PRP4K: variants seen among roughly 807,000 people sequenced by gnomAD.
PRP4K encodes serine/threonine-protein kinase PRP4 homolog.
At chr6:4,032,499 T>C in the PRP4K span, 5 of 1,613,832 alleles carry the variant, frequency 3.1e-6, no homozygotes, top group Non-Finnish European at 4.2e-6. Context: ...GCCAATTAAA[T>C]CTCCCTCTAA....
chr6:4,041,022 A>G, the PRP4K span: 13 of 1,255,640 alleles, frequency 1.0e-5, no homozygotes, highest in Non-Finnish European at 1.4e-5. Flanking sequence ...TAAATATTAT[A>G]AGTGGCTCCA....
At chr6:4,022,363 G>C in the PRP4K span, among the ~76,000 whole-genome samples, 1 of 150,910 alleles carries the variant, frequency 6.6e-6, no homozygotes, top group Admixed American at 6.6e-5. Flanking sequence ...ACTTAAAGCA[G>C]TATTTTGCTG....
the PRP4K span, chr6:4,032,746 C>G: frequency 1.9e-6 from 3 of 1,568,378 alleles, no homozygotes; most frequent in South Asian, 2.4e-5. Context: ...AGACGACTTT[C>G]TTCTCCAAGG....
At chr6:4,026,637 ATACT>A in the PRP4K span, among the ~76,000 whole-genome samples, 19 of 152,184 alleles carry the variant, frequency 1.2e-4, no homozygotes, top group Admixed American at 8.5e-4. Context: ...AACACAAACA[ATACT>A]TACTGAGCAC....
chr6:4,027,536 T>C, the PRP4K span, among the ~76,000 whole-genome samples: 6 of 145,856 alleles, frequency 4.1e-5, no homozygotes, highest in African/African-American at 1.0e-4. Flanking sequence ...CTCCACAGGA[T>C]TTTTGTGAAT....
the PRP4K span, among the ~76,000 whole-genome samples, chr6:4,033,289 C>G: frequency 3.9e-5 from 6 of 152,224 alleles, no homozygotes; most frequent in Admixed American, 3.3e-4. Context: ...TGTATTAATA[C>G]ATATAATCTC....
At chr6:4,040,859 G>A in the PRP4K span, 1 of 1,613,896 alleles carries the variant, frequency 6.2e-7, no homozygotes, top group Non-Finnish European at 8.5e-7. Flanking sequence ...GCAAAGTAAA[G>A]GAAGATAAAT....
At chr6:4,029,728 T>A in the PRP4K span, among the ~76,000 whole-genome samples, 2 of 152,032 alleles carry the variant, frequency 1.3e-5, no homozygotes, top group African/African-American at 4.8e-5. Context: ...GCTTAACAAA[T>A]TGGTTTCTTT....
the PRP4K span, chr6:4,041,016 T>C: frequency 7.7e-7 from 1 of 1,303,674 alleles, no homozygotes; most frequent in East Asian, 2.4e-5. Flanking sequence ...TCCACCTAAA[T>C]ATTATAAGTG....
the PRP4K span, chr6:4,057,324 G>T: frequency 2.0e-5 from 17 of 854,944 alleles, no homozygotes; most frequent in Admixed American, 5.1e-4. Context: ...GATTTCTTAG[G>T]GTCTTTCCCT....
the PRP4K span, chr6:4,032,354 T>C: frequency 1.9e-6 from 3 of 1,613,806 alleles, no homozygotes; most frequent in African/African-American, 2.7e-5. Context: ...AATCCCCAAT[T>C]ATAAATGAAA....
chr6:4,034,669 G>T, the PRP4K span, among the ~76,000 whole-genome samples: 1 of 151,920 alleles, frequency 6.6e-6, no homozygotes, highest in Admixed American at 6.6e-5. Context: ...TAGGTGACTA[G>T]TGAGGGTGAA....
the PRP4K span, chr6:4,049,974 A>G: frequency 2.2e-6 from 3 of 1,366,834 alleles, no homozygotes; most frequent in Admixed American, 2.5e-5. Context: ...ACATGATAGA[A>G]TGTGTAAAAC....
the PRP4K span, among the ~76,000 whole-genome samples, chr6:4,038,932 T>C: frequency 5.2e-4 from 76 of 146,730 alleles, no homozygotes; most frequent in Non-Finnish European, 8.9e-4. Context: ...TTTTTTTTCT[T>C]TCTTTCTTTC....
chr6:4,037,486 G>A, the PRP4K span: 1 of 1,614,014 alleles, frequency 6.2e-7, no homozygotes, highest in East Asian at 2.2e-5. Flanking sequence ...CGAAGAAGAA[G>A]TAGATCTCCC....
the PRP4K span, chr6:4,043,854 A>G: frequency 1.2e-6 from 2 of 1,614,206 alleles, no homozygotes; most frequent in Non-Finnish European, 1.7e-6. Context: ...TGTCTGTGCC[A>G]TCTGAACCAA....
At chr6:4,032,483 AAAG>A in the PRP4K span, 4 of 1,614,064 alleles carry the variant, frequency 2.5e-6, no homozygotes, top group East Asian at 6.7e-5. Flanking sequence ...CTGATAAAGA[AAAG>A]AAGCCAATTA....
the PRP4K span, among the ~76,000 whole-genome samples, chr6:4,028,873 CTA>C: frequency 6.6e-6 from 1 of 152,104 alleles, no homozygotes; most frequent in African/African-American, 2.4e-5. Context: ...TTATTCAAGA[CTA>C]TGAGACCTGG....
the PRP4K span, chr6:4,032,634 G>A: frequency 1.9e-6 from 3 of 1,613,992 alleles, no homozygotes; most frequent in South Asian, 3.3e-5. Context: ...ACTTTTGAAT[G>A]ATAGAAGATC....
Sources: allele counts gnomAD v4.1 joint callset (sites outside exome capture counted in the v4.1 genomes callset), GRCh38; gene constraint gnomAD v4.1.1; transcripts MANE v1.5; gene names NCBI Gene and HGNC (gene_info 2026-07-23, HGNC 2026-07-21).